RAB6B: variants seen among roughly 807,000 people sequenced by gnomAD.
RAB6B encodes ras-related protein Rab-6B.
In RAB6B, 7 loss-of-function variants were observed where a neutral mutation model predicts 31.2. That is an observed-to-expected ratio of 0.22 (90% CI 0.13 to 0.42). The LOEUF is 0.42. Ranked by LOEUF, RAB6B falls within the 10% of genes least tolerant of loss-of-function variation. The probability of loss-of-function intolerance (pLI) is 1.00; values close to 1 mark genes in which losing one functional copy is unlikely to be tolerated. For missense variants in RAB6B, 149 were observed against 280.6 expected (o/e 0.53, Z 3.35); for synonymous variants, 105 against 104.9 (o/e 1.00, Z -0.01).
chr3:133,889,446 T>TATA (rs1936606827), intron 1 of RAB6B, among the ~76,000 whole-genome samples: 4 of 98,868 alleles, frequency 4.0e-5, no homozygotes, highest in Non-Finnish European at 6.3e-5. Flanking sequence ...ATATATATAT[T>TATA]TATTTTGGGA....
chr3:133,841,300 C>T lies in RAB6B; in HGVS notation c.274G>A (p.Val92Met). The change falls in exon 4 of 8, where the codon GTG becomes ATG. Residue 92 changes from valine to methionine, a missense_variant. By Grantham distance (21) the Val-to-Met change is conservative. Around this residue, in one of 2 missense-constraint regions of RAB6B, gnomAD observed 75 missense variants for 180.1 expected, o/e 0.42. Transcript: ENST00000285208. ...CCTCACTCACTTGTGATGTCGTACACCACCACAGCCACCGTGGAGTCCCGG... is the reference window on the plus strand; with the variant it reads ...CCTCACTCACTTGTGATGTCGTACATCACCACAGCCACCGTGGAGTCCCGG... Reference protein sequence around the residue: ...YIRDSTVAVVVYDITNLNSFQ... With the variant: ...YIRDSTVAVVMYDITNLNSFQ... 1.2e-6 allele frequency: 2 copies of T among 1,614,184 alleles called. No individual in the cohort carries two copies. The highest frequency in any genetic ancestry group is 1.7e-6 in the Non-Finnish European group (2 of 1,180,010).
At position 133,895,698 on chromosome 3, in the gene RAB6B, G is replaced by C; in HGVS notation, c.-232C>G. On this transcript the variant is annotated 5_prime_UTR_variant, in exon 1 of 8. Coordinates refer to ENST00000285208, the MANE Select transcript of RAB6B (RefSeq NM_016577.4). ...CGGAGGCGGAGGAAGGCTGGGGCTG[G>C]GCTGCTGCGGTCGGCACTGGCTGCG... The C allele has an allele frequency of 1.8e-6, 1 of 555,944 alleles. No homozygotes were observed. Among genetic ancestry groups the C allele is most frequent in the Non-Finnish European group, 3.1e-6 (1 of 318,372 alleles). 34.4% of individuals were successfully genotyped at this position (555,944 alleles called of 1,614,324 possible).
intron 2 of RAB6B, 131 bp from the exon 3 acceptor site, chr3:133,841,794 T>G: frequency 3.8e-6 from 3 of 787,188 alleles, no homozygotes; most frequent in Non-Finnish European, 6.2e-6. Flanking sequence ...GGCCATGCTC[T>G]GTCCTCCCTG....
At chr3:133,884,253 G>T (rs1158836456) in intron 1 of RAB6B, among the ~76,000 whole-genome samples, 2 of 152,264 alleles carry the variant, frequency 1.3e-5, no homozygotes, top group Admixed American at 6.5e-5. Context: ...AAAGTCATCA[G>T]GCCTTTAGAG....
At position 133,834,656 on chromosome 3, in the gene RAB6B, A is replaced by C; in HGVS notation, c.496-15T>G. ...CGTCGAAAAAGCTGGAAAGATGAAG[A>C]AATGCAGTGTGAACCCCAACCCTGG... On this transcript the variant is annotated splice_polypyrimidine_tract_variant and intron_variant, in intron 6 of 7. Transcript: ENST00000285208. 1 of 1,613,536 alleles carries C rather than the reference A, an allele frequency of 6.2e-7. No individual in the cohort carries two copies. The highest frequency in any genetic ancestry group is 8.5e-7 in the Non-Finnish European group (1 of 1,179,446).
chr3:133,830,155 G>A (rs549430925), intron 7 of RAB6B, among the ~76,000 whole-genome samples: 1 of 152,354 alleles, frequency 6.6e-6, no homozygotes, highest in Non-Finnish European at 1.5e-5. Flanking sequence ...TCTGCCAGCT[G>A]CAGTTCTATG....
chr3:133,886,234 A>C (rs1259619138), intron 1 of RAB6B, among the ~76,000 whole-genome samples: 1 of 152,212 alleles, frequency 6.6e-6, no homozygotes, highest in Non-Finnish European at 1.5e-5. Flanking sequence ...CTCACTATGC[A>C]AAACCTCCTC....
chr3:133,892,695 C>T (rs1936652799), intron 1 of RAB6B, among the ~76,000 whole-genome samples: 1 of 152,236 alleles, frequency 6.6e-6, no homozygotes, highest in Non-Finnish European at 1.5e-5. Context: ...CTCTGAAAGA[C>T]TCCGCTGAGC....
intron 1 of RAB6B, among the ~76,000 whole-genome samples, chr3:133,871,564 A>G (rs973009838): frequency 2.9e-4 from 44 of 152,204 alleles, no homozygotes; most frequent in African/African-American, 1.0e-3. Flanking sequence ...TTGTGCCCAC[A>G]TCACAGTCTG....
rs555947063 is a variant in RAB6B at position 133,834,848 on chromosome 3, T to A, written c.496-207A>T. On this transcript the variant is annotated intron_variant, in intron 6 of 7. Coordinates refer to ENST00000285208, the MANE Select transcript of RAB6B (RefSeq NM_016577.4). ...AGCATTGGGTCTGGGCAGGCCTCAGTAGCTTGTGGAAGGAAGGAACAAAGC... is the reference window on the plus strand; with the variant it reads ...AGCATTGGGTCTGGGCAGGCCTCAGAAGCTTGTGGAAGGAAGGAACAAAGC... Among the ~76,000 whole-genome samples the A allele has an allele frequency of 1.1e-4, 17 of 152,288 alleles. No homozygotes were observed. In the South Asian group the frequency reaches 3.3e-3, roughly 30 times the overall value.
chr3:133,843,789 G>T (rs555014692), intron 2 of RAB6B, among the ~76,000 whole-genome samples: 1 of 152,198 alleles, frequency 6.6e-6, no homozygotes, highest in African/African-American at 2.4e-5. Context: ...TGGGTAGGGA[G>T]TACCCACAGC....
intron 1 of RAB6B, among the ~76,000 whole-genome samples, chr3:133,868,927 A>C (rs1180957219): frequency 6.6e-6 from 1 of 152,156 alleles, no homozygotes; most frequent in Non-Finnish European, 1.5e-5. Flanking sequence ...GAAGTGGTGG[A>C]GCTGGGATAG....
chr3:133,835,289 GTGTGT>G (rs1421875161), intron 6 of RAB6B, among the ~76,000 whole-genome samples: 1 of 152,194 alleles, frequency 6.6e-6, no homozygotes, highest in African/African-American at 2.4e-5. Flanking sequence ...TGGAAAATGT[GTGTGT>G]TGTGAGTGGT....
chr3:133,839,397 A>G (rs1935787330), intron 5 of RAB6B, 109 bp downstream of exon 5: 22 of 953,490 alleles, frequency 2.3e-5, no homozygotes, highest in Non-Finnish European at 3.3e-5. Context: ...TTCCGGATGC[A>G]TGGTCAGAAG....
chr3:133,880,180 G>A (rs1217791356), intron 1 of RAB6B, among the ~76,000 whole-genome samples: 2 of 152,236 alleles, frequency 1.3e-5, no homozygotes, highest in African/African-American at 2.4e-5. Flanking sequence ...TTAACTGACA[G>A]AAGTCTTGGC....
intron 1 of RAB6B, among the ~76,000 whole-genome samples, chr3:133,874,591 T>C (rs183719889): frequency 8.5e-5 from 13 of 152,372 alleles, no homozygotes; most frequent in Middle Eastern, 3.4e-3. Flanking sequence ...CAATAGACTG[T>C]ACATTTAGGC....
chr3:133,833,164 T>C (rs1179435881), intron 7 of RAB6B, among the ~76,000 whole-genome samples: 1 of 152,202 alleles, frequency 6.6e-6, no homozygotes, highest in Non-Finnish European at 1.5e-5. Flanking sequence ...CTTCTGTATG[T>C]TCCTGGAACC....
At chr3:133,841,047 A>G (rs1047192318) in intron 4 of RAB6B, among the ~76,000 whole-genome samples, 2 of 152,164 alleles carry the variant, frequency 1.3e-5, no homozygotes, top group African/African-American at 4.8e-5. Flanking sequence ...AGCAGGACCA[A>G]CCTGGCCCTA....
chr3:133,865,408 A>AT (rs1399150434), intron 1 of RAB6B, among the ~76,000 whole-genome samples: 2 of 152,356 alleles, frequency 1.3e-5, no homozygotes, highest in East Asian at 3.9e-4. Flanking sequence ...AAATTGTAGA[A>AT]TTTGGCTTCT....
Sources: allele counts gnomAD v4.1 joint callset (sites outside exome capture counted in the v4.1 genomes callset), GRCh38; gene constraint gnomAD v4.1.1; regional missense constraint gnomAD v4.1.1; transcripts MANE v1.5; gene names NCBI Gene and HGNC (gene_info 2026-07-23, HGNC 2026-07-21).